FOXP1: variants seen among roughly 807,000 people sequenced by gnomAD.
The protein encoded by FOXP1 is forkhead box protein P1.
In FOXP1, 15 loss-of-function variants were observed where a neutral mutation model predicts 98.2. The observed-to-expected ratio is 0.15, with a 90% CI of 0.10 to 0.24. FOXP1 has a LOEUF of 0.24. Among genes scored for constraint, FOXP1 ranks in the 10% least tolerant of loss-of-function variants. The pLI is 1.00. For synonymous variants in FOXP1, 371 were observed against 314.5 expected, an observed-to-expected ratio of 1.18 and a Z score of -1.90; for missense variants, 633 against 848.5, an observed-to-expected ratio of 0.75 and a Z score of 3.15.
At chr3:71,504,680 C>T (rs569712442) in intron 2 of FOXP1, among the ~76,000 whole-genome samples, 4 of 152,068 alleles carry the variant, frequency 2.6e-5, no homozygotes, top group Admixed American at 6.5e-5. Context: ...GGAAATGTCT[C>T]GAGGCGCCAA....
chr3:71,112,432 A>G, intron 7 of FOXP1, 104 bp downstream of exon 7: 2 of 970,030 alleles, frequency 2.1e-6, no homozygotes, highest in Non-Finnish European at 1.6e-6. Flanking sequence ...TCCACAGAAG[A>G]TTTTCTTACA....
At chr3:71,313,130 G>GCTCACTGCAAGCTCCGC (rs2074819127) in intron 4 of FOXP1, among the ~76,000 whole-genome samples, 1 of 147,786 alleles carries the variant, frequency 6.8e-6, no homozygotes, top group Non-Finnish European at 1.5e-5. Flanking sequence ...CGCAATCTCG[G>GCTCACTGCAAGCTCCGC]CTCACTGCAA....
intron 2 of FOXP1, among the ~76,000 whole-genome samples, chr3:71,530,877 C>G (rs577338151): frequency 6.6e-6 from 1 of 152,128 alleles, no homozygotes; most frequent in African/African-American, 2.4e-5. Context: ...AAAACTACCC[C>G]CCAACCCCAT....
chr3:71,401,737 C>A lies in FOXP1; in HGVS notation c.-167-42493G>T, dbSNP rs9810590. On this transcript the variant is annotated intron_variant, in intron 3 of 20. Transcript: ENST00000649528. ...TGGTTGATACCTTCCTTCGCTAAAT[C>A]TTGTTACAACCTGCAACTAAAGACG... 4.9e-3 allele frequency among the ~76,000 whole-genome samples: 743 copies of A among 152,134 alleles called. 9 individuals carry two copies. The highest frequency in any genetic ancestry group is 0.017 in the African/African-American group (689 of 41,394).
intron 13 of FOXP1, among the ~76,000 whole-genome samples, chr3:70,998,014 A>T (rs908067270): frequency 6.6e-6 from 1 of 152,170 alleles, no homozygotes; most frequent in Admixed American, 6.5e-5. Flanking sequence ...TGGAGACTAG[A>T]CTGGTTTTAT....
intron 3 of FOXP1, among the ~76,000 whole-genome samples, chr3:71,483,203 A>C (rs2090415791): frequency 6.6e-6 from 1 of 151,606 alleles, no homozygotes; most frequent in Non-Finnish European, 1.5e-5. Flanking sequence ...TTCACTCTTC[A>C]CCTTGAACCT....
At chr3:71,085,029 G>C (rs999205149) in intron 7 of FOXP1, among the ~76,000 whole-genome samples, 2 of 152,184 alleles carry the variant, frequency 1.3e-5, no homozygotes, top group Non-Finnish European at 2.9e-5. Context: ...GTCATTCCTT[G>C]TTAGTGGCTG....
At chr3:71,583,469 T>C (rs1442628800) in intron 1 of FOXP1, 102 bp downstream of exon 1, 42 of 981,306 alleles carry the variant, frequency 4.3e-5, no homozygotes, top group Non-Finnish European at 5.0e-5. Flanking sequence ...TTCTTTCTTT[T>C]TTTTTTTTTG....
At chr3:71,577,726 C>T (rs1416300345) in intron 2 of FOXP1, among the ~76,000 whole-genome samples, 1 of 151,908 alleles carries the variant, frequency 6.6e-6, no homozygotes, top group Non-Finnish European at 1.5e-5. Context: ...ACCTACTTGG[C>T]TTGCTGGCTT....
In FOXP1 at chr3:71,109,844, T is replaced by TAC. The variant is rs147636557; in HGVS notation, c.282+2690_282+2691dup. ...GGGGTCCTTCAGCAATCGTCTGTGA[T>TAC]ACACACACACACACACCAGTCCACC... On this transcript the variant is annotated intron_variant, in intron 7 of 20. Coordinates refer to ENST00000649528, the MANE Select transcript of FOXP1 (RefSeq NM_001349338.3). Among the ~76,000 whole-genome samples, 179 of 151,354 alleles carry TAC rather than the reference T, an allele frequency of 1.2e-3. No individual in the cohort carries two copies. In the East Asian group the frequency reaches 0.015, roughly 13 times the overall value.
chr3:71,131,403 C>CAAAAAAAAAAA (rs10681690), intron 6 of FOXP1, among the ~76,000 whole-genome samples: 2 of 126,538 alleles, frequency 1.6e-5, no homozygotes, highest in Non-Finnish European at 3.2e-5. Context: ...TATTCAATAA[C>CAAAAAAAAAAA]AAAAAAAAAA....
At chr3:71,442,620 G>A (rs2086046945) in intron 3 of FOXP1, among the ~76,000 whole-genome samples, 1 of 152,194 alleles carries the variant, frequency 6.6e-6, no homozygotes. Flanking sequence ...CAGTAATAAT[G>A]CCACAGAGAA....
At chr3:71,202,668 G>A (rs1261412818) in intron 5 of FOXP1, among the ~76,000 whole-genome samples, 1 of 152,166 alleles carries the variant, frequency 6.6e-6, no homozygotes, top group African/African-American at 2.4e-5. Context: ...CCATTATTAA[G>A]AATCTCCAGT....
chr3:71,094,288 T>C (rs2056235362), intron 7 of FOXP1, among the ~76,000 whole-genome samples: 1 of 146,898 alleles, frequency 6.8e-6, no homozygotes, highest in African/African-American at 2.5e-5. Context: ...CTTTTTTTTT[T>C]TTTTTTTTTG....
chr3:71,540,226 A>T (rs534741758), intron 2 of FOXP1, among the ~76,000 whole-genome samples: 1 of 152,372 alleles, frequency 6.6e-6, no homozygotes, highest in South Asian at 2.1e-4. Context: ...AGTTCAAGAC[A>T]ATGTCACTAG....
chr3:71,257,686 T>C (rs1490452231), intron 5 of FOXP1, among the ~76,000 whole-genome samples: 4 of 149,480 alleles, frequency 2.7e-5, no homozygotes, highest in East Asian at 2.0e-4. Context: ...GCCACGGGAG[T>C]ATTTCTTAAA....
chr3:71,446,561 TA>T (rs1294089561), intron 3 of FOXP1, among the ~76,000 whole-genome samples: 1 of 151,598 alleles, frequency 6.6e-6, no homozygotes, highest in African/African-American at 2.4e-5. Flanking sequence ...AAAAAATTAA[TA>T]AAAGTAAAAA....
At chr3:71,278,819 A>G (rs2071196294) in intron 5 of FOXP1, among the ~76,000 whole-genome samples, 1 of 151,908 alleles carries the variant, frequency 6.6e-6, no homozygotes, top group Admixed American at 6.6e-5. Context: ...CAAGTAAAAT[A>G]CCAATTAAAT....
chr3:71,168,402 AG>A (rs1221401527), intron 6 of FOXP1, among the ~76,000 whole-genome samples: 1 of 152,248 alleles, frequency 6.6e-6, no homozygotes, highest in Admixed American at 6.5e-5. Context: ...TAAACTGGAA[AG>A]AAAAATTCAA....
Sources: allele counts gnomAD v4.1 joint callset (sites outside exome capture counted in the v4.1 genomes callset), GRCh38; gene constraint gnomAD v4.1.1; transcripts MANE v1.5; gene names NCBI Gene and HGNC (gene_info 2026-07-23, HGNC 2026-07-21).